Variants in TMIGD3 observed in about 807,000 individuals in gnomAD.
TMIGD3 encodes the protein AD026 protein (AD026).
A neutral mutation model predicts 28.1 loss-of-function variants in TMIGD3; 21 were observed. The observed-to-expected ratio is 0.75, with a 90% CI of 0.53 to 1.08. TMIGD3 has a LOEUF of 1.08. Among genes scored for constraint, TMIGD3 ranks in the 50% least tolerant of loss-of-function variants. TMIGD3 has a pLI of 0.00. For synonymous variants in TMIGD3, 151 were observed against 162.1 expected, an observed-to-expected ratio of 0.93 and a Z score of 0.52; for missense variants, 416 against 435.6, an observed-to-expected ratio of 0.96 and a Z score of 0.40.
intron 3 of TMIGD3, among the ~76,000 whole-genome samples, chr1:111,487,034 G>A (rs1283639318): frequency 6.6e-6 from 1 of 152,122 alleles, no homozygotes; most frequent in African/African-American, 2.4e-5. Flanking sequence ...GGCACAAGAG[G>A]GCCAATCCTA....
At chr1:111,526,153 A>C (rs1656253659) in intron 1 of TMIGD3, among the ~76,000 whole-genome samples, 1 of 152,158 alleles carries the variant, frequency 6.6e-6, no homozygotes, top group Non-Finnish European at 1.5e-5. Flanking sequence ...TTGAGTGGTA[A>C]GTACAGAGTA....
chr1:111,562,013 T>G (rs1354907709), intron 1 of TMIGD3, among the ~76,000 whole-genome samples: 2 of 152,080 alleles, frequency 1.3e-5, no homozygotes, highest in Admixed American at 6.5e-5. Flanking sequence ...CCCTCCACAC[T>G]CTGAACCCAA....
chr1:111,509,704 C>T (rs538216834), intron 1 of TMIGD3, among the ~76,000 whole-genome samples: 2 of 152,348 alleles, frequency 1.3e-5, no homozygotes, highest in East Asian at 3.9e-4. Context: ...TGGCATGTGT[C>T]TTCCCCTCCT....
intron 2 of TMIGD3, 101 bp downstream of exon 2, chr1:111,490,555 G>A (rs370769069): frequency 7.3e-6 from 6 of 822,124 alleles, no homozygotes; most frequent in African/African-American, 1.7e-5. Context: ...TAGATGGTTC[G>A]AGTTAATAAG....
rs1341521362 is a variant in TMIGD3, at chr1:111,503,533, C to T, written c.-179G>A. On this transcript the variant is annotated 5_prime_UTR_variant, in exon 1 of 6. Coordinates refer to ENST00000369716, the MANE Select transcript of TMIGD3 (RefSeq NM_020683.7). ...GTGGGGTGATCTCTTGGAAACCCTT[C>T]TCCTTAGAAAGGGCTCATCACAGGT... 16 of 1,422,680 alleles carry T rather than the reference C, an allele frequency of 1.1e-5. No homozygotes were observed. In the East Asian group the frequency reaches 2.8e-4, roughly 25 times the overall value. The allele number at this position is 1,422,680 out of a possible 1,614,324, so 88.1% of individuals were successfully genotyped here.
intron 1 of TMIGD3, among the ~76,000 whole-genome samples, chr1:111,559,868 C>G (rs1185723291): frequency 6.6e-6 from 1 of 152,102 alleles, no homozygotes; most frequent in Non-Finnish European, 1.5e-5. Context: ...AAAGATGCAG[C>G]ATAAATTACT....
intron 1 of TMIGD3, among the ~76,000 whole-genome samples, chr1:111,562,345 T>C (rs759993121): frequency 1.3e-5 from 2 of 152,210 alleles, no homozygotes; most frequent in Non-Finnish European, 2.9e-5. Flanking sequence ...TTATACCTTA[T>C]CTTTGACCCC....
intron 1 of TMIGD3, among the ~76,000 whole-genome samples, chr1:111,502,237 TA>T: frequency 2.8e-5 from 1 of 35,350 alleles, no homozygotes; most frequent in Admixed American, 4.1e-4. Flanking sequence ...AATGAATATA[TA>T]GGATATATTT....
At chr1:111,539,547 C>T (rs1027464450) in intron 1 of TMIGD3, among the ~76,000 whole-genome samples, 3 of 152,246 alleles carry the variant, frequency 2.0e-5, no homozygotes, top group South Asian at 2.1e-4. Flanking sequence ...CCGCCCGCCT[C>T]GGCCTCCCAA....
intron 1 of TMIGD3, among the ~76,000 whole-genome samples, chr1:111,502,512 C>T (rs1655293860): frequency 7.1e-6 from 1 of 141,388 alleles, no homozygotes; most frequent in African/African-American, 2.6e-5. Context: ...ATATATATTC[C>T]AAGAATCCCT....
At position 111,503,567 on chromosome 1, in the gene TMIGD3, T is replaced by G; in HGVS notation, c.-213A>C. 7.2e-7 allele frequency: 1 copy of G among 1,389,738 alleles called. No individual in the cohort carries two copies. 86.1% of individuals were successfully genotyped at this position (1,389,738 alleles called of 1,614,324 possible). A position where few individuals can be genotyped will look rare whatever the true frequency, so the allele number is the denominator to read the frequency against. On this transcript the variant is annotated 5_prime_UTR_variant, in exon 1 of 6. Transcript: ENST00000369716. Reference sequence around the variant, plus strand: ...AAGGGCTCATCACAGGTGGGTCACTTCCAGCCCCTTTATGCACCGCACATC... The same window carrying G: ...AAGGGCTCATCACAGGTGGGTCACTGCCAGCCCCTTTATGCACCGCACATC...
At chr1:111,527,494 G>A (rs550816078) in intron 1 of TMIGD3, among the ~76,000 whole-genome samples, 18 of 152,186 alleles carry the variant, frequency 1.2e-4, no homozygotes, top group African/African-American at 3.6e-4. Flanking sequence ...TTCTGTGGAC[G>A]TAAATTTTCA....
intron 1 of TMIGD3, among the ~76,000 whole-genome samples, chr1:111,508,639 G>A (rs146390832): frequency 1.1e-3 from 162 of 152,324 alleles, no homozygotes; most frequent in African/African-American, 3.6e-3. Context: ...CCAGAAGGTT[G>A]AGAAGCAGCT....
Position 111,490,686 on chromosome 1 carries a change from A to G in TMIGD3, c.427T>C (p.Phe143Leu), listed in dbSNP as rs555997934. The change falls in exon 2 of 6, where the codon TTC becomes CTC. Residue 143 changes from phenylalanine (F) to leucine (L), a missense_variant. Transcript: ENST00000369716. Reference protein sequence around the residue: ...KVCFLPVMWLFILLSLALISD... With the variant: ...KVCFLPVMWLLILLSLALISD... ...ATGAGAGCCAAGGAGAGTAGAATGA[A>G]GAGCCACATGACTGGAAGGAAGCAA... The G allele has an allele frequency of 6.2e-7, 1 of 1,614,004 alleles. No individual in the cohort carries two copies. Among genetic ancestry groups the G allele is most frequent in the African/African-American group, 1.3e-5 (1 of 75,046 alleles).
chr1:111,507,236 A>G (rs149579142), upstream of TMIGD3, among the ~76,000 whole-genome samples: 1,599 of 152,070 alleles, frequency 0.011, 14 homozygotes, highest in Non-Finnish European at 0.018. Flanking sequence ...AACCTGGCCA[A>G]CATACTGAGA....
At chr1:111,536,850 A>G (rs555703974) in intron 1 of TMIGD3, among the ~76,000 whole-genome samples, 86 of 151,998 alleles carry the variant, frequency 5.7e-4, no homozygotes, top group African/African-American at 2.0e-3. Flanking sequence ...CCCAGGCCCA[A>G]GCTTTTTCAC....
chr1:111,553,063 C>T (rs559498066), intron 1 of TMIGD3, among the ~76,000 whole-genome samples: 1 of 152,310 alleles, frequency 6.6e-6, no homozygotes, highest in South Asian at 2.1e-4. Context: ...ATTCAGATTG[C>T]GATTTCTCAG....
At chr1:111,523,774 C>T (rs928842302) in intron 1 of TMIGD3, among the ~76,000 whole-genome samples, 5 of 151,738 alleles carry the variant, frequency 3.3e-5, no homozygotes, top group African/African-American at 1.2e-4. Flanking sequence ...ACTGATTATC[C>T]TTTCAGTGTG....
At chr1:111,542,247 G>T (rs1196399389) in intron 1 of TMIGD3, 2 of 608,584 alleles carry the variant, frequency 3.3e-6, no homozygotes, top group Non-Finnish European at 6.1e-6. Flanking sequence ...AAACACTGGC[G>T]GCACATATTG....
Sources: allele counts gnomAD v4.1 joint callset (sites outside exome capture counted in the v4.1 genomes callset), GRCh38; gene constraint gnomAD v4.1.1; transcripts MANE v1.5; gene names NCBI Gene and HGNC (gene_info 2026-07-23, HGNC 2026-07-21).